CREB3L1: variants seen among roughly 807,000 people sequenced by gnomAD.
CREB3L1 encodes the protein cAMP responsive element binding protein 3 like 1, also known as cyclic AMP-responsive element-binding protein 3-like protein 1.
Under a neutral mutation model 54.5 loss-of-function variants are expected in CREB3L1, and 33 were observed. The ratio of observed to expected loss-of-function variants is 0.61; its 90% CI spans 0.46 to 0.81. The LOEUF is 0.81. CREB3L1 is among the 30% of genes least tolerant of loss of function. The pLI is 0.00. For synonymous variants in CREB3L1, 284 were observed against 286.4 expected (o/e 0.99, Z 0.08); for missense variants, 656 against 673.3 (o/e 0.97, Z 0.29).
chr11:46,304,233 T>G (rs1939343051), intron 2 of CREB3L1, among the ~76,000 whole-genome samples: 1 of 151,996 alleles, frequency 6.6e-6, no homozygotes, highest in African/African-American at 2.4e-5. Flanking sequence ...AGCACTTTGG[T>G]AGGCCGAGGA....
chr11:46,307,558 AG>A (rs1939417191), intron 2 of CREB3L1, among the ~76,000 whole-genome samples: 1 of 152,216 alleles, frequency 6.6e-6, no homozygotes, highest in African/African-American at 2.4e-5. Context: ...AACTAGCCTA[AG>A]GTCACACACA....
chr11:46,306,648 C>T (rs1939401148), intron 2 of CREB3L1, among the ~76,000 whole-genome samples: 1 of 152,194 alleles, frequency 6.6e-6, no homozygotes, highest in Non-Finnish European at 1.5e-5. Context: ...TCTTCCACTC[C>T]CCTTTGCATT....
chr11:46,307,379 G>A (rs950100834), intron 2 of CREB3L1, among the ~76,000 whole-genome samples: 4 of 152,132 alleles, frequency 2.6e-5, no homozygotes, highest in African/African-American at 7.2e-5. Flanking sequence ...AGTGAGCCAC[G>A]GCGCTCAGCC....
At chr11:46,294,742 G>A (rs1939178988) in intron 1 of CREB3L1, among the ~76,000 whole-genome samples, 2 of 152,100 alleles carry the variant, frequency 1.3e-5, no homozygotes, top group African/African-American at 2.4e-5. Context: ...CGCCCCCTAG[G>A]CACAGCAGTG....
Position 46,312,637 on chromosome 11 carries a change from A to T in CREB3L1, c.929A>T (p.Lys310Met). 2 of 1,611,738 alleles carry T rather than the reference A, an allele frequency of 1.2e-6. No homozygotes were observed. Among genetic ancestry groups the T allele is most frequent in the Non-Finnish European group, 1.7e-6 (2 of 1,178,860 alleles). ...NKISAQESRRKKKEYVECLEK... is the reference protein window; with the variant it reads ...NKISAQESRRMKKEYVECLEK... ...ATCTCAGCCCAGGAGAGCCGTCGTAAGAAGAAGGAGTATGTGGAGTGTCTA... is the reference window on the plus strand; with the variant it reads ...ATCTCAGCCCAGGAGAGCCGTCGTATGAAGAAGGAGTATGTGGAGTGTCTA... Residue 310 changes from lysine (K) to methionine (M), a missense_variant, in exon 7 of 12, where the codon AAG becomes ATG. By Grantham distance (95) the Lys-to-Met change is moderately conservative. Transcript: ENST00000621158.
At chr11:46,305,939 A>G (rs903547274) in intron 2 of CREB3L1, among the ~76,000 whole-genome samples, 2 of 151,632 alleles carry the variant, frequency 1.3e-5, no homozygotes, top group African/African-American at 2.4e-5. Flanking sequence ...GGGTTTCACC[A>G]TGTTAGCCAG....
chr11:46,306,242 G>A (rs1367035095), intron 2 of CREB3L1, among the ~76,000 whole-genome samples: 1 of 152,188 alleles, frequency 6.6e-6, no homozygotes, highest in Non-Finnish European at 1.5e-5. Flanking sequence ...TGGGCCAGGT[G>A]CAATAGCTCA....
At chr11:46,297,278 G>A (rs1939226150) in intron 1 of CREB3L1, among the ~76,000 whole-genome samples, 1 of 152,232 alleles carries the variant, frequency 6.6e-6, no homozygotes, top group Non-Finnish European at 1.5e-5. Flanking sequence ...TGGGATCACA[G>A]TGATTCTTAG....
chr11:46,317,702 C>T (rs1405574210), intron 10 of CREB3L1, among the ~76,000 whole-genome samples: 6 of 152,192 alleles, frequency 3.9e-5, no homozygotes, highest in African/African-American at 1.4e-4. Flanking sequence ...ACAGAGCTCC[C>T]GATGCCCAGC....
intron 2 of CREB3L1, among the ~76,000 whole-genome samples, chr11:46,304,387 G>A (rs200164191): frequency 2.6e-5 from 4 of 152,118 alleles, no homozygotes; most frequent in Non-Finnish European, 2.9e-5. Flanking sequence ...CAGTAGAATC[G>A]GTGAACCCGG....
intron 1 of CREB3L1, 76 bp from the exon 2 acceptor site, chr11:46,299,859 A>G (rs1939268771): frequency 9.6e-7 from 1 of 1,041,090 alleles, no homozygotes; most frequent in Non-Finnish European, 1.5e-6. Flanking sequence ...GGGGTGCTGC[A>G]CCACCACAGT....
At chr11:46,282,822 G>T (rs1322863722) in intron 1 of CREB3L1, among the ~76,000 whole-genome samples, 1 of 152,178 alleles carries the variant, frequency 6.6e-6, no homozygotes, top group African/African-American at 2.4e-5. Context: ...ACCTAGCACA[G>T]TCACATGGGA....
intron 1 of CREB3L1, among the ~76,000 whole-genome samples, chr11:46,297,018 G>A (rs1939220498): frequency 6.6e-6 from 1 of 152,208 alleles, no homozygotes; most frequent in African/African-American, 2.4e-5. Context: ...GAAGGGGCTT[G>A]GCAAACCCTT....
chr11:46,298,578 AGTC>A (rs1329934718), intron 1 of CREB3L1, among the ~76,000 whole-genome samples: 1 of 152,142 alleles, frequency 6.6e-6, no homozygotes, highest in East Asian at 1.9e-4. Context: ...GCGCACCTGT[AGTC>A]CCGGCTGCTT....
chr11:46,312,810 TG>T, intron 7 of CREB3L1, 40 bp from the exon 8 acceptor site: 1 of 1,564,122 alleles, frequency 6.4e-7, no homozygotes, highest in Non-Finnish European at 8.7e-7. Context: ...GTTGTGAGTC[TG>T]GGGGCTGCCC....
At position 46,312,658 on chromosome 11, in the gene CREB3L1, G is replaced by A. The variant is rs1475791713; in HGVS notation, c.950G>A (p.Cys317Tyr). 1 of 1,609,878 alleles carries A rather than the reference G, an allele frequency of 6.2e-7. No homozygotes were observed. Among genetic ancestry groups the A allele is most frequent in the African/African-American group, 1.3e-5 (1 of 74,852 alleles). ...CGTAAGAAGAAGGAGTATGTGGAGT[G>A]TCTAGAAAAGAAGTAAGGGGCTTGG... Reference protein sequence around the residue: ...SRRKKKEYVECLEKKVETFTS... With the variant: ...SRRKKKEYVEYLEKKVETFTS... The change falls in exon 7 of 12, where the codon TGT (cysteine) becomes TAT (tyrosine). Residue 317 changes from cysteine (C) to tyrosine (Y), a missense_variant. Cys to Tyr is a radical substitution (Grantham distance 194, BLOSUM62 -2). Around this residue, in one of 3 missense-constraint regions of CREB3L1, gnomAD observed 77 missense variants for 122.0 expected, o/e 0.63. Transcript: ENST00000621158.
At chr11:46,293,818 T>C (rs1939165063) in intron 1 of CREB3L1, among the ~76,000 whole-genome samples, 1 of 152,210 alleles carries the variant, frequency 6.6e-6, no homozygotes, top group Non-Finnish European at 1.5e-5. Flanking sequence ...ACAGCGAGTA[T>C]GCGTGACCAT....
chr11:46,298,614 A>T (rs563079920), intron 1 of CREB3L1, among the ~76,000 whole-genome samples: 1 of 152,258 alleles, frequency 6.6e-6, no homozygotes, highest in African/African-American at 2.4e-5. Context: ...CATGCAAATC[A>T]CTTGAACCCG....
intron 2 of CREB3L1, among the ~76,000 whole-genome samples, chr11:46,304,947 G>A (rs983123004): frequency 1.3e-5 from 2 of 152,204 alleles, no homozygotes; most frequent in Admixed American, 1.3e-4. Context: ...AATTTGGGAA[G>A]ATTGTGGGTA....
Sources: allele counts gnomAD v4.1 joint callset (sites outside exome capture counted in the v4.1 genomes callset), GRCh38; gene constraint gnomAD v4.1.1; regional missense constraint gnomAD v4.1.1; transcripts MANE v1.5; gene names NCBI Gene and HGNC (gene_info 2026-07-23, HGNC 2026-07-21).